The following RUNX1 variants were observed in gnomAD, a reference collection of about 807,000 sequenced individuals.
RUNX1 encodes the protein runt-related transcription factor 1.
In RUNX1, 19 loss-of-function variants were observed where a neutral mutation model predicts 42.8. The observed-to-expected ratio is 0.44, with a 90% CI of 0.31 to 0.65. The LOEUF (loss-of-function observed/expected upper bound fraction) is 0.65. RUNX1 is among the 30% of genes least tolerant of loss of function. The pLI is 0.07. For missense variants in RUNX1, 528 were observed against 672.0 expected, an observed-to-expected ratio of 0.79 and a Z score of 2.37; for synonymous variants, 271 against 289.4, an observed-to-expected ratio of 0.94 and a Z score of 0.64.
chr21:34,894,880 AACACACAC>A (rs57230115), intron 2 of RUNX1, among the ~76,000 whole-genome samples: 5,268 of 127,900 alleles, frequency 0.041, 100 homozygotes, highest in Non-Finnish European at 0.046. Context: ...CCTACATAGA[AACACACAC>A]ACACACACAC....
chr21:34,924,031 G>C (rs1166941178), intron 2 of RUNX1, among the ~76,000 whole-genome samples: 2 of 152,112 alleles, frequency 1.3e-5, no homozygotes, highest in African/African-American at 4.8e-5. Context: ...TGACATTTTT[G>C]TGTTTTCATA....
At chr21:34,971,504 GCCATCCATCCATCCAT>G (rs76561322) in intron 2 of RUNX1, among the ~76,000 whole-genome samples, 6 of 150,526 alleles carry the variant, frequency 4.0e-5, no homozygotes, top group African/African-American at 7.3e-5. Flanking sequence ...ATTTTTATCA[GCCATCCATCCATCCAT>G]CCATCCATCC....
intron 6 of RUNX1, among the ~76,000 whole-genome samples, chr21:34,840,707 C>G (rs2146111084): frequency 6.6e-6 from 1 of 152,284 alleles, no homozygotes; most frequent in East Asian, 1.9e-4. Flanking sequence ...AGCCTGCGAT[C>G]CCACCTGGCC....
At chr21:34,899,975 T>C (rs1569094366) in intron 2 of RUNX1, among the ~76,000 whole-genome samples, 1 of 152,086 alleles carries the variant, frequency 6.6e-6, no homozygotes. Flanking sequence ...CAAGACCCCA[T>C]CTCTACAAAA....
chr21:35,039,463 T>C (rs114429593), intron 2 of RUNX1, among the ~76,000 whole-genome samples: 1,855 of 152,278 alleles, frequency 0.012, 39 homozygotes, highest in African/African-American at 0.043. Flanking sequence ...AATAAAGTTA[T>C]ATAATTTTTA....
chr21:34,890,417 G>A (rs1402304885), intron 3 of RUNX1, among the ~76,000 whole-genome samples: 1 of 152,134 alleles, frequency 6.6e-6, no homozygotes, highest in Non-Finnish European at 1.5e-5. Flanking sequence ...ATATAGAGTC[G>A]CAGCCGGCCA....
chr21:34,792,386 C>T lies in RUNX1; in HGVS notation c.1192G>A (p.Ala398Thr). ...SSQAQGGPFQ[A>T]SSPSYHLYYG... ...TACAGGTGGTAGGAGGGCGAGCTGG[C>T]TTGGAACGGGCCTCCCTGCGCTTGC... Residue 398 changes from alanine (A) to threonine (T), a missense_variant, in exon 9 of 9, where the codon GCC (alanine) becomes ACC (threonine). Ala to Thr is a moderately conservative substitution (Grantham distance 58, BLOSUM62 0). This residue lies in a region of RUNX1 where 331 missense variants were observed against 382.5 expected (regional missense o/e 0.87). Coordinates refer to ENST00000675419, the MANE Select transcript of RUNX1 (RefSeq NM_001754.5). The surrounding 1 kb of genome is among the most constrained non-coding windows in gnomAD (Gnocchi z 6.9). 1 of 1,566,044 alleles carries T rather than the reference C, an allele frequency of 6.4e-7. No individual in the cohort carries two copies. The highest frequency in any genetic ancestry group is 8.7e-7 in the Non-Finnish European group (1 of 1,155,272).
At chr21:35,011,195 G>A (rs2059124233) in intron 2 of RUNX1, among the ~76,000 whole-genome samples, 1 of 152,190 alleles carries the variant, frequency 6.6e-6, no homozygotes, top group African/African-American at 2.4e-5. Flanking sequence ...GCACCTGCAA[G>A]CACTGCTGGT....
chr21:34,796,226 C>A (rs369078000), intron 8 of RUNX1, among the ~76,000 whole-genome samples: 4 of 152,252 alleles, frequency 2.6e-5, no homozygotes, highest in South Asian at 4.1e-4. Flanking sequence ...TGTGATCCTT[C>A]TTCTATGTAC....
chr21:34,973,672 A>C (rs545109630), intron 2 of RUNX1, among the ~76,000 whole-genome samples: 4 of 152,312 alleles, frequency 2.6e-5, no homozygotes, highest in Admixed American at 2.6e-4. Flanking sequence ...ACCTCCCTCC[A>C]TGTCATAGAA....
intron 5 of RUNX1, among the ~76,000 whole-genome samples, chr21:34,871,633 G>C (rs942654951): frequency 6.6e-6 from 1 of 152,092 alleles, no homozygotes; most frequent in Non-Finnish European, 1.5e-5. Context: ...TGACATGCTG[G>C]GGCAGGTGGG....
rs2056463430 is a variant in RUNX1 at position 34,792,640 on chromosome 21, AGT to A, written c.968-32_968-31del. On this transcript the variant is annotated intron_variant, in intron 8 of 8. Coordinates refer to ENST00000675419, the MANE Select transcript of RUNX1 (RefSeq NM_001754.5). This position sits in a 1 kb window ranked among gnomAD's most constrained non-coding sequence, Gnocchi z 6.9. Reference sequence around the variant, plus strand: ...AGGGCGGGCAAGAGAACGGAGCGGAAGTGAGTAGGAGGTTGCGGAGGCCACAG... The same window carrying A: ...AGGGCGGGCAAGAGAACGGAGCGGAAGAGTAGGAGGTTGCGGAGGCCACAG... The A allele has an allele frequency of 4.5e-6, 7 of 1,544,120 alleles. No individual in the cohort carries two copies. The highest frequency in any genetic ancestry group is 2.0e-5 in the Admixed American group (1 of 51,278).
chr21:34,877,006 G>A (rs894776681), intron 5 of RUNX1, among the ~76,000 whole-genome samples: 6 of 152,120 alleles, frequency 3.9e-5, no homozygotes, highest in Admixed American at 1.3e-4. Context: ...ACAGGCGCCC[G>A]CCACCACACC....
chr21:35,018,131 T>C (rs111252602), intron 2 of RUNX1, among the ~76,000 whole-genome samples: 8,065 of 152,236 alleles, frequency 0.053, 301 homozygotes, highest in Non-Finnish European at 0.07. Context: ...GTTCACGCCA[T>C]TCTCCTGCCT....
At chr21:35,024,581 CCTTTT>C (rs1881209480) in intron 2 of RUNX1, among the ~76,000 whole-genome samples, 1 of 152,230 alleles carries the variant, frequency 6.6e-6, no homozygotes, top group African/African-American at 2.4e-5. Context: ...TGCATCCCAT[CCTTTT>C]AACTTCTCAG....
chr21:35,007,821 C>G (rs950586206), intron 2 of RUNX1, among the ~76,000 whole-genome samples: 2 of 152,126 alleles, frequency 1.3e-5, no homozygotes, highest in African/African-American at 4.8e-5. Flanking sequence ...TACCCCCAAA[C>G]GCCGATGAGA....
At chr21:34,821,792 G>C in intron 7 of RUNX1, 1 of 1,052,864 alleles carries the variant, frequency 9.5e-7, no homozygotes, top group Non-Finnish European at 1.3e-6. Context: ...CCCAAGGCGT[G>C]AAAGAATCAA....
At chr21:34,870,083 C>A (rs554519182) in intron 5 of RUNX1, among the ~76,000 whole-genome samples, 1 of 152,264 alleles carries the variant, frequency 6.6e-6, no homozygotes, top group East Asian at 1.9e-4. Flanking sequence ...CCGCATATAA[C>A]CCTTTCACGA....
chr21:35,029,749 G>A (rs1292520026), intron 2 of RUNX1, among the ~76,000 whole-genome samples: 2 of 152,096 alleles, frequency 1.3e-5, no homozygotes, highest in Admixed American at 6.5e-5. Context: ...CTTCTGGCAT[G>A]GTTCTATTGG....
Sources: gnomAD v4.1 joint callset for allele counts (sites outside exome capture counted in the v4.1 genomes callset) on GRCh38, gnomAD v4.1.1 for gene constraint, gnomAD v4.1.1 regional missense constraint, Gnocchi (gnomAD v3.1) non-coding constraint, MANE v1.5 for transcripts, NCBI Gene and HGNC (gene_info 2026-07-23, HGNC 2026-07-21) for gene names.